The following MLLT10 variants were observed in gnomAD, a reference collection of about 807,000 sequenced individuals.
The protein encoded by MLLT10 is protein AF-10.
MLLT10 carries 30 observed loss-of-function variants against 129.1 expected under a neutral mutation model. The ratio of observed to expected loss-of-function variants is 0.23; its 90% CI spans 0.17 to 0.32. MLLT10 has a LOEUF of 0.32. Ranked by LOEUF, MLLT10 falls within the 10% of genes least tolerant of loss-of-function variation. The probability of loss-of-function intolerance (pLI) is 1.00; values close to 1 mark genes in which losing one functional copy is unlikely to be tolerated. For missense variants in MLLT10, 1,119 were observed against 1,268.3 expected (o/e 0.88, Z 1.79); for synonymous variants, 490 against 446.4 (o/e 1.10, Z -1.23).
chr10:21,718,137 G>A (rs930962562), intron 14 of MLLT10, among the ~76,000 whole-genome samples: 4 of 151,918 alleles, frequency 2.6e-5, no homozygotes, highest in African/African-American at 7.3e-5. Context: ...GGGCCACTGC[G>A]CCCGGCCTCT....
chr10:21,702,904 A>C (rs963686672), intron 13 of MLLT10, among the ~76,000 whole-genome samples: 9 of 152,000 alleles, frequency 5.9e-5, no homozygotes, highest in African/African-American at 2.2e-4. Flanking sequence ...GTAAGTGGAG[A>C]ATTTAATCCA....
intron 21 of MLLT10, among the ~76,000 whole-genome samples, chr10:21,738,977 G>A (rs985604413): frequency 6.6e-6 from 1 of 152,058 alleles, no homozygotes; most frequent in African/African-American, 2.4e-5. Context: ...CAGTAGCTCC[G>A]CTGGCATATC....
intron 4 of MLLT10, among the ~76,000 whole-genome samples, chr10:21,594,717 A>G (rs2042867729): frequency 6.9e-6 from 1 of 144,296 alleles, no homozygotes; most frequent in African/African-American, 2.6e-5. Flanking sequence ...GCTCTTTAAT[A>G]CCTTCAGTCG....
chr10:21,558,945 T>A (rs969486632), intron 3 of MLLT10, among the ~76,000 whole-genome samples: 24 of 152,216 alleles, frequency 1.6e-4, no homozygotes, highest in African/African-American at 5.1e-4. Flanking sequence ...GTGTTCCTTT[T>A]TTGTTGTTGT....
chr10:21,634,746 C>G (rs1360857770), intron 8 of MLLT10, among the ~76,000 whole-genome samples: 1 of 152,212 alleles, frequency 6.6e-6, no homozygotes, highest in Non-Finnish European at 1.5e-5. Flanking sequence ...TCACTAATCT[C>G]TCCAGTATCG....
chr10:21,622,323 A>ATT (rs57240669), intron 8 of MLLT10, among the ~76,000 whole-genome samples: 4 of 136,718 alleles, frequency 2.9e-5, no homozygotes, highest in South Asian at 4.7e-4. Flanking sequence ...ATGCCGGCCA[A>ATT]TTTTTTTTTT....
At chr10:21,708,095 TTGTC>T (rs2055706246) in intron 13 of MLLT10, among the ~76,000 whole-genome samples, 1 of 152,226 alleles carries the variant, frequency 6.6e-6, no homozygotes, top group African/African-American at 2.4e-5. Context: ...AGCTAAAATC[TTGTC>T]TGTCTTGCTT....
At chr10:21,734,391 TTTC>T (rs1405737916) in intron 20 of MLLT10, among the ~76,000 whole-genome samples, 3 of 152,354 alleles carry the variant, frequency 2.0e-5, no homozygotes, top group South Asian at 2.1e-4. Flanking sequence ...AATACTAGTT[TTTC>T]TTATTTCTTT....
chr10:21,544,445 G>A lies in MLLT10; in HGVS notation c.240+5533G>A, dbSNP rs1003128625. 2.0e-4 allele frequency among the ~76,000 whole-genome samples: 31 copies of A among 152,158 alleles called. 1 individual carries two copies. The highest frequency in any genetic ancestry group is 7.5e-4 in the African/African-American group (31 of 41,442). On this transcript the variant is annotated intron_variant, in intron 3 of 22. Transcript: ENST00000307729. ...CACAGGAAGAACTCTCTGGACTGGG[G>A]ATAGCTAACTTCTCAGGGAAGGGGG...
rs141117434 is a variant in MLLT10 at position 21,614,843 on chromosome 10, C to T, written c.522C>T (p.Ala174=). The T allele has an allele frequency of 5.3e-5, 86 of 1,611,290 alleles. No individual in the cohort carries two copies. Among genetic ancestry groups the T allele is most frequent in the East Asian group, 5.1e-4 (23 of 44,782 alleles). ...CTTTTATTTTCAGCGCTCAGTTTGCCGGACTGCTTTGTGAAGAAGAAGGTA... is the reference window on the plus strand; with the variant it reads ...CTTTTATTTTCAGCGCTCAGTTTGCTGGACTGCTTTGTGAAGAAGAAGGTA... ...QAFHVTCAQF[A]GLLCEEEGNG... The change falls in exon 7 of 23, where the codon GCC becomes GCT. Residue 174 remains alanine, a synonymous_variant. Transcript: ENST00000307729.
intron 3 of MLLT10, among the ~76,000 whole-genome samples, chr10:21,545,744 G>GCT (rs1436235965): frequency 6.6e-6 from 1 of 152,196 alleles, no homozygotes; most frequent in Non-Finnish European, 1.5e-5. Flanking sequence ...TTAGTTGACT[G>GCT]CAACATCGAA....
chr10:21,704,911 G>C (rs1377930732), intron 13 of MLLT10, among the ~76,000 whole-genome samples: 1 of 152,120 alleles, frequency 6.6e-6, no homozygotes, highest in African/African-American at 2.4e-5. Flanking sequence ...CTGGGGACTA[G>C]GATGCCAAGT....
In MLLT10 at chr10:21,663,942, T is replaced by A. The variant is rs1459255706; in HGVS notation, c.796-6507T>A. Among the ~76,000 whole-genome samples, 2 of 152,202 alleles carry A rather than the reference T, an allele frequency of 1.3e-5. 1 individual carries two copies. Among genetic ancestry groups the A allele is most frequent in the African/African-American group, 4.8e-5 (2 of 41,446 alleles). ...TTCAGTTTGTTGAGTTTTGTGTTTG[T>A]TTTAGGGCAGAGCAAAGACTTCTCT... On this transcript the variant is annotated intron_variant, in intron 9 of 22. Transcript: ENST00000307729.
chr10:21,610,071 G>A (rs1344338690), intron 5 of MLLT10, among the ~76,000 whole-genome samples: 1 of 152,158 alleles, frequency 6.6e-6, no homozygotes, highest in African/African-American at 2.4e-5. Context: ...GGGATGGGAC[G>A]AGTAGCCTTC....
chr10:21,681,401 A>G (rs2131403145), intron 12 of MLLT10, 25 bp downstream of exon 12: 1 of 1,564,816 alleles, frequency 6.4e-7, no homozygotes, highest in African/African-American at 1.4e-5. Flanking sequence ...TGGGTTGATA[A>G]CCCGGGCCTT....
intron 9 of MLLT10, among the ~76,000 whole-genome samples, chr10:21,660,016 C>T (rs1344631536): frequency 2.0e-5 from 3 of 151,780 alleles, no homozygotes; most frequent in Non-Finnish European, 4.4e-5. Flanking sequence ...TGCTCTGTTG[C>T]CCGGGCTGGA....
At chr10:21,741,199 G>C (rs746561458) in intron 22 of MLLT10, among the ~76,000 whole-genome samples, 1 of 152,092 alleles carries the variant, frequency 6.6e-6, no homozygotes, top group Admixed American at 6.5e-5. Flanking sequence ...ATCACACACC[G>C]CATTACCTCT....
intron 8 of MLLT10, chr10:21,624,958 G>A: frequency 7.7e-7 from 1 of 1,303,000 alleles, no homozygotes; most frequent in East Asian, 2.3e-5. Flanking sequence ...CTTGGTGGTG[G>A]TGAAGCACCC....
At chr10:21,623,629 A>T (rs935869516) in intron 8 of MLLT10, among the ~76,000 whole-genome samples, 2 of 152,256 alleles carry the variant, frequency 1.3e-5, no homozygotes, top group African/African-American at 4.8e-5. Context: ...ACATAGAATG[A>T]ACAGTTGATT....
Sources: gnomAD v4.1 joint callset for allele counts (sites outside exome capture counted in the v4.1 genomes callset) on GRCh38, gnomAD v4.1.1 for gene constraint, MANE v1.5 for transcripts, NCBI Gene and HGNC (gene_info 2026-07-23, HGNC 2026-07-21) for gene names.